The following PGBD2 variants were observed in gnomAD, a reference collection of about 807,000 sequenced individuals.
PGBD2 encodes the protein piggyBac transposable element-derived protein 2.
Under a neutral mutation model 8.1 loss-of-function variants are expected in PGBD2, and 6 were observed. That is an observed-to-expected ratio of 0.74 (90% confidence interval 0.40 to 1.46). The LOEUF (loss-of-function observed/expected upper bound fraction) is 1.46, where lower values mean the gene tolerates loss of function less well. Ranked by LOEUF, PGBD2 falls within the 40% of genes most tolerant of loss-of-function variation. PGBD2 has a pLI of 0.02. For synonymous variants in PGBD2, 318 were observed against 272.2 expected, an observed-to-expected ratio of 1.17 and a Z score of -1.66; for missense variants, 802 against 739.0, an observed-to-expected ratio of 1.09 and a Z score of -0.99.
At chr1:248,905,794 C>T (rs1027894291), upstream of PGBD2, among the ~76,000 whole-genome samples, 1 of 152,188 alleles carries the variant, frequency 6.6e-6, no homozygotes, top group Non-Finnish European at 1.5e-5. Context: ...AGCAGTGGTT[C>T]TCAAGCCCTA....
At chr1:248,894,235 G>A in the PGBD2 span, among the ~76,000 whole-genome samples, 1 of 151,970 alleles carries the variant, frequency 6.6e-6, no homozygotes, top group Non-Finnish European at 1.5e-5. Flanking sequence ...TTGTAATGCT[G>A]AAACTTTTTA....
downstream of PGBD2, among the ~76,000 whole-genome samples, chr1:248,921,839 G>A (rs1490345413): frequency 6.6e-6 from 1 of 152,148 alleles, no homozygotes; most frequent in African/African-American, 2.4e-5. Flanking sequence ...TCTCCTTGAA[G>A]AGGTCCTTGA....
chr1:248,929,742 G>T, the PGBD2 span, among the ~76,000 whole-genome samples: 2 of 152,170 alleles, frequency 1.3e-5, no homozygotes, highest in Non-Finnish European at 2.9e-5. Context: ...GCGAGTTAAA[G>T]GTGTTTCCCC....
chr1:248,878,324 G>A, the PGBD2 span, among the ~76,000 whole-genome samples: 1 of 152,038 alleles, frequency 6.6e-6, no homozygotes, highest in Non-Finnish European at 1.5e-5. Flanking sequence ...GGACTACGGG[G>A]CCCGCCACCA....
Position 248,917,887 on chromosome 1 carries a change from A to G in PGBD2, c.1303A>G (p.Ser435Gly). ...AVGIEPVRLTSRHSGAAKTRT... is the reference protein window; with the variant it reads ...AVGIEPVRLTGRHSGAAKTRT... ...GGGCATAGAGCCAGTGAGGCTGACC[A>G]GTCGTCACTCTGGAGCAGCTAAAAC... is the stretch of plus-strand genomic sequence containing the variant. The change falls in exon 3 of 3, where the codon AGT becomes GGT. Residue 435 changes from serine to glycine, a missense_variant. Transcript: ENST00000329291. 9 of 1,614,250 alleles carry G rather than the reference A, an allele frequency of 5.6e-6. No homozygotes were observed. Among genetic ancestry groups the G allele is most frequent in the Non-Finnish European group, 7.6e-6 (9 of 1,180,032 alleles).
the PGBD2 span, among the ~76,000 whole-genome samples, chr1:248,878,423 C>T: frequency 6.6e-6 from 1 of 152,172 alleles, no homozygotes; most frequent in African/African-American, 2.4e-5. Context: ...GTGATCCGCC[C>T]GCCTCGGCCT....
chr1:248,924,113 A>C (rs1572285786), downstream of PGBD2, among the ~76,000 whole-genome samples: 1 of 152,226 alleles, frequency 6.6e-6, no homozygotes, highest in South Asian at 2.1e-4. Context: ...ACTGGCCCCT[A>C]TAGCGTGGGA....
the PGBD2 span, among the ~76,000 whole-genome samples, chr1:248,883,376 C>A: frequency 2.0e-5 from 3 of 152,120 alleles, no homozygotes; most frequent in Non-Finnish European, 4.4e-5. Context: ...GCCGCCTCGG[C>A]CTCCCAAAGT....
At chr1:248,897,727 G>C in the PGBD2 span, among the ~76,000 whole-genome samples, 2 of 152,162 alleles carry the variant, frequency 1.3e-5, no homozygotes, top group African/African-American at 4.8e-5. Flanking sequence ...AACCCAAGGG[G>C]CATCTTTCAG....
At chr1:248,873,606 G>A in the PGBD2 span, among the ~76,000 whole-genome samples, 1 of 152,228 alleles carries the variant, frequency 6.6e-6, no homozygotes, top group African/African-American at 2.4e-5. Context: ...CGTTTGCGGG[G>A]CCAGGCGCTG....
intron 1 of PGBD2, among the ~76,000 whole-genome samples, chr1:248,910,908 G>T (rs560490609): frequency 6.6e-6 from 1 of 152,132 alleles, no homozygotes; most frequent in African/African-American, 2.4e-5. Context: ...TATTCGAAGT[G>T]TGTAATTTGA....
the PGBD2 span, among the ~76,000 whole-genome samples, chr1:248,879,733 T>C: frequency 6.6e-6 from 1 of 152,206 alleles, no homozygotes. Flanking sequence ...ATATGTGTCA[T>C]AAATATCTTA....
At chr1:248,887,762 G>A in the PGBD2 span, among the ~76,000 whole-genome samples, 14 of 152,200 alleles carry the variant, frequency 9.2e-5, no homozygotes, top group East Asian at 2.3e-3. Flanking sequence ...TTGCCATTAC[G>A]TTCAATGGCA....
At chr1:248,878,419 C>T in the PGBD2 span, among the ~76,000 whole-genome samples, 2 of 152,096 alleles carry the variant, frequency 1.3e-5, no homozygotes, top group African/African-American at 2.4e-5. Context: ...CCTCGTGATC[C>T]GCCCGCCTCG....
intron 2 of PGBD2, 144 bp downstream of exon 2, chr1:248,914,023 T>A (rs1662005098): frequency 3.8e-6 from 3 of 786,378 alleles, no homozygotes; most frequent in South Asian, 1.5e-5. Context: ...GGAGAGGAGA[T>A]GGGAGAAGAA....
upstream of PGBD2, among the ~76,000 whole-genome samples, chr1:248,903,039 T>C (rs995108028): frequency 6.6e-6 from 1 of 152,100 alleles, no homozygotes; most frequent in African/African-American, 2.4e-5. Context: ...AAAACAAGTT[T>C]TTTTGTAGAG....
chr1:248,887,037 A>G, the PGBD2 span, among the ~76,000 whole-genome samples: 8 of 152,200 alleles, frequency 5.3e-5, no homozygotes, highest in Non-Finnish European at 1.2e-4. Flanking sequence ...ATGCATATGT[A>G]TATGTATTTG....
downstream of PGBD2, among the ~76,000 whole-genome samples, chr1:248,924,396 A>G (rs1459738192): frequency 6.6e-6 from 1 of 152,222 alleles, no homozygotes; most frequent in Non-Finnish European, 1.5e-5. Flanking sequence ...TATTACCCTC[A>G]GCCAATTAAC....
the PGBD2 span, among the ~76,000 whole-genome samples, chr1:248,885,621 A>C: frequency 2.0e-5 from 3 of 152,178 alleles, no homozygotes; most frequent in Non-Finnish European, 4.4e-5. Flanking sequence ...ACTTAAAGAT[A>C]GTGAGGGTAG....
Sources: gnomAD v4.1 joint callset for allele counts (sites outside exome capture counted in the v4.1 genomes callset) on GRCh38, gnomAD v4.1.1 for gene constraint, MANE v1.5 for transcripts, NCBI Gene and HGNC (gene_info 2026-07-23, HGNC 2026-07-21) for gene names.